Variants in SRBD1 observed in about 807,000 individuals in gnomAD.
The protein encoded by SRBD1 is S1 RNA binding domain 1.
A neutral mutation model predicts 115.3 loss-of-function variants in SRBD1; 88 were observed. That is an observed-to-expected ratio of 0.76 (90% CI 0.64 to 0.91). SRBD1 has a LOEUF of 0.91. SRBD1 is among the 40% of genes least tolerant of loss of function. The pLI is 0.00. For missense variants in SRBD1, 1,385 were observed against 1,177.4 expected (o/e 1.18, Z -2.58); for synonymous variants, 509 against 407.7 (o/e 1.25, Z -2.99).
At chr2:45,609,410 G>A (rs958169179) in intron 1 of SRBD1, among the ~76,000 whole-genome samples, 11 of 151,964 alleles carry the variant, frequency 7.2e-5, no homozygotes, top group African/African-American at 2.7e-4. Context: ...TACCACACTC[G>A]CCTCTTAACT....
chr2:45,423,363 T>A (rs1166565538), intron 16 of SRBD1, among the ~76,000 whole-genome samples: 3 of 152,200 alleles, frequency 2.0e-5, no homozygotes, highest in African/African-American at 7.2e-5. Flanking sequence ...ATGGTTTAAA[T>A]GTAACTTCAC....
chr2:45,599,609 C>A lies in SRBD1; in HGVS notation c.488G>T (p.Gly163Val), dbSNP rs1399262824. Reference protein sequence around the residue: ...ETPSTSTVWGGTCKKEENDDD... With the variant: ...ETPSTSTVWGVTCKKEENDDD... ...GTCATTCTCTTCCTTCTTGCATGTA[C>A]CTCCCCACACAGTGCTTGTGGATGG... The change falls in exon 4 of 21, where the codon GGT becomes GTT. Residue 163 changes from glycine (G) to valine (V), a missense_variant. Physicochemically the swap from Gly to Val is moderately radical, Grantham distance 109. Coordinates refer to ENST00000263736, the MANE Select transcript of SRBD1 (RefSeq NM_018079.5). 6.2e-7 allele frequency: 1 copy of A among 1,614,092 alleles called. No individual in the cohort carries two copies. Among genetic ancestry groups the A allele is most frequent in the East Asian group, 2.2e-5 (1 of 44,900 alleles).
At chr2:45,546,446 G>C in intron 14 of SRBD1, 2 of 695,900 alleles carry the variant, frequency 2.9e-6, no homozygotes, top group African/African-American at 3.9e-5. Context: ...TAGTTAACTA[G>C]AACCCTCACA....
At chr2:45,531,875 A>G (rs950412465) in intron 14 of SRBD1, among the ~76,000 whole-genome samples, 1 of 151,826 alleles carries the variant, frequency 6.6e-6, no homozygotes, top group Non-Finnish European at 1.5e-5. Flanking sequence ...AAGAATAAAC[A>G]GGCTGGAAGT....
At chr2:45,599,041 C>T (rs1329591912) in intron 4 of SRBD1, among the ~76,000 whole-genome samples, 1 of 152,190 alleles carries the variant, frequency 6.6e-6, no homozygotes, top group Non-Finnish European at 1.5e-5. Flanking sequence ...TGTTGTAGTA[C>T]ATTACAACAT....
intron 14 of SRBD1, among the ~76,000 whole-genome samples, chr2:45,508,393 T>C (rs957419900): frequency 6.6e-6 from 1 of 152,230 alleles, no homozygotes. Flanking sequence ...AAGAAACTTT[T>C]AAAATTATTT....
At chr2:45,608,419 C>A (rs1674339764) in intron 1 of SRBD1, among the ~76,000 whole-genome samples, 1 of 152,242 alleles carries the variant, frequency 6.6e-6, no homozygotes, top group East Asian at 1.9e-4. Flanking sequence ...TTTAAAACTA[C>A]CTACGACAGG....
chr2:45,543,701 T>C (rs1672019330), intron 14 of SRBD1, among the ~76,000 whole-genome samples: 1 of 152,226 alleles, frequency 6.6e-6, no homozygotes, highest in Non-Finnish European at 1.5e-5. Context: ...TCTAAAGCAC[T>C]TGCTATAAAT....
intron 16 of SRBD1, among the ~76,000 whole-genome samples, chr2:45,441,044 C>T (rs2103708158): frequency 6.6e-6 from 1 of 152,306 alleles, no homozygotes; most frequent in Middle Eastern, 3.4e-3. Flanking sequence ...TTCCCAAATA[C>T]ACATACATGT....
At chr2:45,434,006 G>C (rs995467613) in intron 16 of SRBD1, among the ~76,000 whole-genome samples, 5 of 152,168 alleles carry the variant, frequency 3.3e-5, no homozygotes, top group African/African-American at 1.2e-4. Flanking sequence ...AGCATGGCCA[G>C]TGGTCATAAG....
chr2:45,555,396 A>G (rs907362451), intron 10 of SRBD1, among the ~76,000 whole-genome samples: 3 of 151,858 alleles, frequency 2.0e-5, no homozygotes, highest in African/African-American at 7.3e-5. Flanking sequence ...AAAACAAAAC[A>G]AACAAAAAAA....
intron 20 of SRBD1, among the ~76,000 whole-genome samples, chr2:45,392,274 G>A (rs140251543): frequency 1.5e-3 from 231 of 152,202 alleles, no homozygotes; most frequent in Non-Finnish European, 2.4e-3. Flanking sequence ...CCCTAAACAC[G>A]GAATCATCAA....
chr2:45,571,535 A>AC (rs1225307765), intron 9 of SRBD1, among the ~76,000 whole-genome samples: 1 of 149,810 alleles, frequency 6.7e-6, no homozygotes, highest in Non-Finnish European at 1.5e-5. Context: ...AAAAAAAAAA[A>AC]AAAAAAACTG....
chr2:45,420,533 T>G (rs1177610099), intron 16 of SRBD1, among the ~76,000 whole-genome samples: 1 of 152,230 alleles, frequency 6.6e-6, no homozygotes, highest in South Asian at 2.1e-4. Context: ...ATTTATTTGT[T>G]AAATATTGAA....
chr2:45,438,200 A>G (rs1668559130), intron 16 of SRBD1, among the ~76,000 whole-genome samples: 1 of 152,196 alleles, frequency 6.6e-6, no homozygotes, highest in African/African-American at 2.4e-5. Context: ...AAAAATCCCT[A>G]TATGATTCAT....
intron 11 of SRBD1, among the ~76,000 whole-genome samples, chr2:45,551,546 C>T (rs1371517344): frequency 6.6e-6 from 1 of 152,084 alleles, no homozygotes; most frequent in African/African-American, 2.4e-5. Flanking sequence ...ATATAAAACC[C>T]ATATTTATAA....
chr2:45,548,772 A>G (rs1041803817), intron 12 of SRBD1, among the ~76,000 whole-genome samples: 9 of 151,944 alleles, frequency 5.9e-5, no homozygotes, highest in African/African-American at 2.2e-4. Context: ...AATGAACAGC[A>G]TAAAAAGACA....
chr2:45,527,327 T>C (rs954394307), intron 14 of SRBD1, among the ~76,000 whole-genome samples: 2 of 151,780 alleles, frequency 1.3e-5, no homozygotes, highest in African/African-American at 4.8e-5. Flanking sequence ...AAAAGTTACA[T>C]AAATCGGTAC....
At chr2:45,450,517 C>T (rs1668961808) in intron 16 of SRBD1, among the ~76,000 whole-genome samples, 1 of 152,054 alleles carries the variant, frequency 6.6e-6, no homozygotes. Flanking sequence ...ATTTTCTGTG[C>T]TCTGTAACAT....
Sources: gnomAD v4.1 joint callset for allele counts (sites outside exome capture counted in the v4.1 genomes callset) on GRCh38, gnomAD v4.1.1 for gene constraint, MANE v1.5 for transcripts, NCBI Gene and HGNC (gene_info 2026-07-23, HGNC 2026-07-21) for gene names.